The following GPR83 variants were observed in gnomAD, a reference collection of about 807,000 sequenced individuals.
GPR83 encodes the protein G-protein coupled receptor 72.
Under a neutral mutation model 28.0 loss-of-function variants are expected in GPR83, and 23 were observed. That is an observed-to-expected ratio of 0.82 (90% CI 0.59 to 1.16). The LOEUF (loss-of-function observed/expected upper bound fraction) is 1.16. GPR83 is among the 50% of genes most tolerant of loss of function. The pLI is 0.00. For missense variants in GPR83, 610 were observed against 536.6 expected, an observed-to-expected ratio of 1.14 and a Z score of -1.35; for synonymous variants, 234 against 215.4, an observed-to-expected ratio of 1.09 and a Z score of -0.76.
At chr11:94,382,893 G>A (rs917491265) in intron 3 of GPR83, among the ~76,000 whole-genome samples, 15 of 152,064 alleles carry the variant, frequency 9.9e-5, no homozygotes, top group Admixed American at 6.6e-5. Flanking sequence ...GGCCGGGCAC[G>A]GTGGCTCATG....
chr11:94,380,314 A>C lies in GPR83; in HGVS notation c.1107T>G (p.Pro369=). ...LLSMCQRPPK[P]QEDRPPSPVP... ...CTGGGGAGGGTGGCCTGTCCTCCTGAGGCTTGGGAGGTCTTTGACACATGC... is the reference window on the plus strand; with the variant it reads ...CTGGGGAGGGTGGCCTGTCCTCCTGCGGCTTGGGAGGTCTTTGACACATGC... Residue 369 remains proline (P), a synonymous_variant, in exon 4 of 4, where the codon CCT becomes CCG. Transcript: ENST00000243673. 6.2e-7 allele frequency: 1 copy of C among 1,608,982 alleles called. No individual in the cohort carries two copies. The highest frequency in any genetic ancestry group is 8.5e-7 in the Non-Finnish European group (1 of 1,176,710).
At chr11:94,386,027 G>C (rs1244586055) in intron 3 of GPR83, among the ~76,000 whole-genome samples, 1 of 152,210 alleles carries the variant, frequency 6.6e-6, no homozygotes, top group Non-Finnish European at 1.5e-5. Flanking sequence ...AGCCAGAAGA[G>C]AGTGGGGGCC....
intron 3 of GPR83, among the ~76,000 whole-genome samples, chr11:94,387,588 T>A (rs1246249129): frequency 2.0e-5 from 3 of 152,192 alleles, no homozygotes; most frequent in Non-Finnish European, 4.4e-5. Flanking sequence ...AAGAAATGGA[T>A]AATTTCCTCG....
intron 3 of GPR83, among the ~76,000 whole-genome samples, chr11:94,381,705 C>T (rs1006848140): frequency 1.3e-5 from 2 of 152,068 alleles, no homozygotes; most frequent in Admixed American, 1.3e-4. Context: ...GTGCCTAGGA[C>T]TCCCCTAAGG....
At chr11:94,397,854 TG>T (rs1159588614) in intron 1 of GPR83, among the ~76,000 whole-genome samples, 2 of 152,184 alleles carry the variant, frequency 1.3e-5, no homozygotes, top group Non-Finnish European at 2.9e-5. Flanking sequence ...GTCTGGAGTG[TG>T]TGAACAAGAG....
rs138374565 is a variant in GPR83, at chr11:94,384,020, G to A, written c.648-3247C>T. 2.6e-4 allele frequency among the ~76,000 whole-genome samples: 40 copies of A among 152,070 alleles called. No individual in the cohort carries two copies. In the East Asian group the frequency reaches 7.3e-3, roughly 28 times the overall value. On this transcript the variant is annotated intron_variant, in intron 3 of 3. Transcript: ENST00000243673. ...CACGCTGATACCAAAACCTGGCAGA[G>A]ACACAACAAAAAAAAAGAAAATTAC...
chr11:94,400,776 C>G, intron 1 of GPR83, 85 bp downstream of exon 1: 1 of 1,274,784 alleles, frequency 7.8e-7, no homozygotes. Flanking sequence ...CAGGGAGACG[C>G]AGAACGGCAG....
At chr11:94,381,249 T>A (rs918841923) in intron 3 of GPR83, among the ~76,000 whole-genome samples, 1 of 152,172 alleles carries the variant, frequency 6.6e-6, no homozygotes, top group African/African-American at 2.4e-5. Flanking sequence ...AGAACAAGTA[T>A]TTATTTGATA....
At chr11:94,393,417 T>TC (rs1944836460) in intron 3 of GPR83, 68 bp downstream of exon 3, 2 of 1,474,204 alleles carry the variant, frequency 1.4e-6, no homozygotes, top group Non-Finnish European at 1.9e-6. Flanking sequence ...GCCTCAGGTA[T>TC]CCCTTGGTGG....
chr11:94,393,723 G>A lies in GPR83; in HGVS notation c.514-105C>T. ...CTCCTGTAATCCCAGCACTTTGGGAGTCTGAGGCAGAAGGATCACTTGAGC... is the reference window on the plus strand; with the variant it reads ...CTCCTGTAATCCCAGCACTTTGGGAATCTGAGGCAGAAGGATCACTTGAGC... On this transcript the variant is annotated intron_variant, in intron 2 of 3. Transcript: ENST00000243673. The A allele has an allele frequency of 3.0e-6, 3 of 1,005,864 alleles. No individual in the cohort carries two copies. In the South Asian group the frequency reaches 4.5e-5, roughly 15 times the overall value. The allele number at this position is 1,005,864 out of a possible 1,614,324, so 62.3% of individuals were successfully genotyped here. A position where few individuals can be genotyped will look rare whatever the true frequency, so the allele number is the denominator to read the frequency against.
rs1944676138 is a variant in GPR83 at position 94,380,545 on chromosome 11, C to A, written c.876G>T (p.Lys292Asn). ...AGAGGACTACCACCAGCATCAACAT[C>A]TTGATGGTCTTCTTCTTTTTGCGCC... ...ALRRKKKKTI[K>N]MLMLVVVLFA... Residue 292 changes from lysine to asparagine, a missense_variant, in exon 4 of 4, where the codon AAG becomes AAT. By Grantham distance (94) the Lys-to-Asn change is moderately conservative (BLOSUM62 0). Coordinates refer to ENST00000243673, the MANE Select transcript of GPR83 (RefSeq NM_016540.4). The A allele has an allele frequency of 2.5e-6, 4 of 1,614,016 alleles. No homozygotes were observed. The highest frequency in any genetic ancestry group is 3.4e-6 in the Non-Finnish European group (4 of 1,179,982).
chr11:94,385,863 G>C (rs1565185208), intron 3 of GPR83, among the ~76,000 whole-genome samples: 1 of 152,084 alleles, frequency 6.6e-6, no homozygotes, highest in Non-Finnish European at 1.5e-5. Flanking sequence ...CAAAAGTACT[G>C]CTCAAGAAGA....
intron 3 of GPR83, among the ~76,000 whole-genome samples, chr11:94,385,504 G>T (rs1024290532): frequency 1.3e-5 from 2 of 152,174 alleles, no homozygotes; most frequent in Non-Finnish European, 2.9e-5. Context: ...AGTCCTTAAA[G>T]GACCTGATGG....
In GPR83 at chr11:94,387,222, C is replaced by G. The variant is rs538442471; in HGVS notation, c.647+6263G>C. Among the ~76,000 whole-genome samples the G allele has an allele frequency of 3.5e-3, 538 of 152,098 alleles. 5 individuals are homozygous for G. Among genetic ancestry groups the G allele is most frequent in the African/African-American group, 0.012 (515 of 41,510 alleles). On this transcript the variant is annotated intron_variant, in intron 3 of 3. Transcript: ENST00000243673. Reference sequence around the variant, plus strand: ...TAGCACTAAATGCCCACAAGGGAAACCAGGAAAGATCTAAAATTGACACCC... The same window carrying G: ...TAGCACTAAATGCCCACAAGGGAAAGCAGGAAAGATCTAAAATTGACACCC...
intron 3 of GPR83, among the ~76,000 whole-genome samples, chr11:94,388,271 C>G (rs933607646): frequency 1.7e-4 from 26 of 152,074 alleles, no homozygotes; most frequent in East Asian, 3.9e-4. Flanking sequence ...ACAAGACAGG[C>G]ATGCCCTCTC....
In GPR83 at chr11:94,380,648, G is replaced by T; in HGVS notation, c.773C>A (p.Ala258Asp). Residue 258 changes from alanine to aspartate, a missense_variant, in exon 4 of 4, where the codon GCC becomes GAC. Ala to Asp is a moderately radical substitution (Grantham distance 126). Transcript: ENST00000243673. ...YILPLLIISVAYARVAKKLWL... is the reference protein window; with the variant it reads ...YILPLLIISVDYARVAKKLWL... ...CAGTTTCTTGGCCACACGAGCGTAG[G>T]CCACAGAGATGATGAGGAGGGGCAG... The T allele has an allele frequency of 6.2e-7, 1 of 1,614,078 alleles. No homozygotes were observed. The highest frequency in any genetic ancestry group is 8.5e-7 in the Non-Finnish European group (1 of 1,180,022).
chr11:94,381,401 G>A lies in GPR83; in HGVS notation c.648-628C>T, dbSNP rs116031301. ...TTTTAGGGGGGAAAAAAAGTCCTCCGTGTGGAAAGGTAGAAGGGCAGCCTG... is the reference window on the plus strand; with the variant it reads ...TTTTAGGGGGGAAAAAAAGTCCTCCATGTGGAAAGGTAGAAGGGCAGCCTG... On this transcript the variant is annotated intron_variant, in intron 3 of 3. Coordinates refer to ENST00000243673, the MANE Select transcript of GPR83 (RefSeq NM_016540.4). Among the ~76,000 whole-genome samples the A allele has an allele frequency of 1.9e-3, 286 of 151,926 alleles. 2 individuals are homozygous for A. Among genetic ancestry groups the A allele is most frequent in the African/African-American group, 5.7e-3 (238 of 41,514 alleles).
In GPR83 at chr11:94,385,546, T is replaced by C. The variant is rs571641418; in HGVS notation, c.648-4773A>G. On this transcript the variant is annotated intron_variant, in intron 3 of 3. Coordinates refer to ENST00000243673, the MANE Select transcript of GPR83 (RefSeq NM_016540.4). ...AAACCATGGCACAAGAACTACGTGA[T>C]GAATGCACAAGCCTCAGTAACCAAT... Among the ~76,000 whole-genome samples the C allele has an allele frequency of 3.5e-3, 540 of 152,276 alleles. 5 individuals carry two copies. Among genetic ancestry groups the C allele is most frequent in the African/African-American group, 0.012 (517 of 41,556 alleles).
In GPR83 at chr11:94,401,085, A is replaced by T. The variant is rs758138687; in HGVS notation, c.163T>A (p.Phe55Ile). The T allele has an allele frequency of 6.2e-7, 1 of 1,614,202 alleles. No homozygotes were observed. Among genetic ancestry groups the T allele is most frequent in the Non-Finnish European group, 8.5e-7 (1 of 1,180,034 alleles). The change falls in exon 1 of 4, where the codon TTT becomes ATT. Residue 55 changes from phenylalanine (F) to isoleucine (I), a missense_variant. Transcript: ENST00000243673. ...GCGCCGTAGCGCCTCCTGCCCACAAAGTTCTGCCAGTCGGAGAAGGTGTAG... is the reference window on the plus strand; with the variant it reads ...GCGCCGTAGCGCCTCCTGCCCACAATGTTCTGCCAGTCGGAGAAGGTGTAG... Reference protein sequence around the residue: ...NNYTFSDWQNFVGRRRYGAES... With the variant: ...NNYTFSDWQNIVGRRRYGAES...
Sources: allele counts gnomAD v4.1 joint callset (sites outside exome capture counted in the v4.1 genomes callset), GRCh38; gene constraint gnomAD v4.1.1; transcripts MANE v1.5; gene names NCBI Gene and HGNC (gene_info 2026-07-23, HGNC 2026-07-21).